TUBD1: variants seen among roughly 807,000 people sequenced by gnomAD.
TUBD1 encodes the protein tubulin delta 1.
Under a neutral mutation model 51.2 loss-of-function variants are expected in TUBD1, and 38 were observed. The ratio of observed to expected loss-of-function variants is 0.74; its 90% CI spans 0.57 to 0.97. The LOEUF (loss-of-function observed/expected upper bound fraction) is 0.97. Ranked by LOEUF, TUBD1 falls within the 50% of genes least tolerant of loss-of-function variation. TUBD1 has a pLI of 0.00. For synonymous variants in TUBD1, 169 were observed against 178.2 expected (o/e 0.95, Z 0.41); for missense variants, 489 against 538.4 (o/e 0.91, Z 0.91).
chr17:59,867,558 G>C (rs2039765341), intron 6 of TUBD1, among the ~76,000 whole-genome samples: 2 of 151,830 alleles, frequency 1.3e-5, no homozygotes, highest in South Asian at 2.1e-4. Flanking sequence ...AATTAGTCTG[G>C]CATCTGTGGC....
At chr17:59,875,073 CTTTTT>C (rs10679203) in intron 5 of TUBD1, among the ~76,000 whole-genome samples, 5 of 87,270 alleles carry the variant, frequency 5.7e-5, no homozygotes, top group South Asian at 4.2e-4. Context: ...TTGTTATATT[CTTTTT>C]TTTTTTTTTT....
intron 8 of TUBD1, among the ~76,000 whole-genome samples, chr17:59,863,009 A>G (rs1055595502): frequency 6.6e-6 from 1 of 152,100 alleles, no homozygotes; most frequent in African/African-American, 2.4e-5. Context: ...TACAGGTGTG[A>G]GCCACCATGC....
rs888815775 is a variant in TUBD1 at position 59,878,135 on chromosome 17, T to C, written c.737A>G (p.Glu246Gly). 1.2e-6 allele frequency: 2 copies of C among 1,614,178 alleles called. No individual in the cohort carries two copies. Among genetic ancestry groups the C allele is most frequent in the South Asian group, 1.1e-5 (1 of 91,086 alleles). The change falls in exon 5 of 9, where the codon GAA becomes GGA. Residue 246 changes from glutamate (E) to glycine (G), a missense_variant. By Grantham distance (98) the Glu-to-Gly change is moderately conservative (BLOSUM62 -2). Transcript: ENST00000325752. Reference sequence around the variant, plus strand: ...ATTTCGTCTGTAGTGAAATGAGCTTTCTGCAGAATAAGTAGGCTGGAACAC... The same window carrying C: ...ATTTCGTCTGTAGTGAAATGAGCTTCCTGCAGAATAAGTAGGCTGGAACAC... ...GSVFQPTYSA[E>G]SSFHYRRNPL...
intron 6 of TUBD1, among the ~76,000 whole-genome samples, chr17:59,867,029 G>C (rs976888672): frequency 6.6e-6 from 1 of 151,956 alleles, no homozygotes; most frequent in Non-Finnish European, 1.5e-5. Context: ...TCCTGACCTC[G>C]AATGATCTGC....
chr17:59,879,003 G>C (rs1039359586), intron 4 of TUBD1, among the ~76,000 whole-genome samples: 2 of 152,024 alleles, frequency 1.3e-5, no homozygotes, highest in African/African-American at 4.8e-5. Context: ...AGCTGGGAGC[G>C]GTAGCTCATG....
rs2039572764 is a variant in TUBD1, at chr17:59,863,759, T to C, written c.1164A>G (p.Lys388=). ...TGACCAACACTGCAGACTTCTCATA[T>C]TTGCTAAAGGCCCGCTGGGTTTTCC... ...NVWKTQRAFS[K]YEKSAVLVSN... Residue 388 remains lysine, a synonymous_variant, in exon 8 of 9, where the codon AAA becomes AAG. Transcript: ENST00000325752. 2 of 1,611,334 alleles carry C rather than the reference T, an allele frequency of 1.2e-6. No individual in the cohort carries two copies. The highest frequency in any genetic ancestry group is 2.2e-5 in the South Asian group (2 of 90,284).
chr17:59,860,365 A>G lies in TUBD1; in HGVS notation c.1319T>C (p.Phe440Ser). The change falls in exon 9 of 9, where the codon TTC (phenylalanine) becomes TCC (serine). Residue 440 changes from phenylalanine (F) to serine (S), a missense_variant. Coordinates refer to ENST00000325752, the MANE Select transcript of TUBD1 (RefSeq NM_016261.4). ...GIEEEDFLDS[F>S]TSLEQVVASY... is the part of the protein sequence containing the mutation. ...GGCAACAACCTGCTCTAATGACGTG[A>G]AACTGTCTAAAAAGTCCTCTTCTTC... The G allele has an allele frequency of 6.2e-7, 1 of 1,613,634 alleles. No homozygotes were observed. The highest frequency in any genetic ancestry group is 2.2e-5 in the East Asian group (1 of 44,870).
In TUBD1 at chr17:59,868,697, C is replaced by T. The variant is rs140845161; in HGVS notation, c.935-1948G>A. Among the ~76,000 whole-genome samples the T allele has an allele frequency of 2.7e-3, 413 of 151,980 alleles. 1 individual carries two copies. The highest frequency in any genetic ancestry group is 8.9e-3 in the African/African-American group (369 of 41,460). On this transcript the variant is annotated intron_variant, in intron 6 of 8. Coordinates refer to ENST00000325752, the MANE Select transcript of TUBD1 (RefSeq NM_016261.4). The stretch of plus-strand genomic sequence containing the variant: ...ACTAAAAATACAAAAATTAGCTGGG[C>T]GTGGTGGCACACGCCTGTAGTCCCA...
chr17:59,867,731 G>A (rs2144452049), intron 6 of TUBD1, among the ~76,000 whole-genome samples: 1 of 152,056 alleles, frequency 6.6e-6, no homozygotes, highest in South Asian at 2.1e-4. Context: ...TAAGATTTTG[G>A]ACCGATGTGC....
Position 59,862,985 on chromosome 17 carries a change from CA to C in TUBD1, c.1259+678del, listed in dbSNP as rs1238680422. On this transcript the variant is annotated intron_variant, in intron 8 of 8. Coordinates refer to ENST00000325752, the MANE Select transcript of TUBD1 (RefSeq NM_016261.4). Reference sequence around the variant, plus strand: ...AGCTGATCTGCTCGCCTCAGCCTCCCAAAGTGCTGGGATTACAGGTGTGAGC... The same window carrying C: ...AGCTGATCTGCTCGCCTCAGCCTCCCAAGTGCTGGGATTACAGGTGTGAGC... Among the ~76,000 whole-genome samples, 16 of 152,172 alleles carry C rather than the reference CA, an allele frequency of 1.1e-4. No homozygotes were observed. The East Asian group carries it at 3.1e-3, about 29-fold the overall frequency.
intron 3 of TUBD1, among the ~76,000 whole-genome samples, chr17:59,883,519 C>T (rs1253454270): frequency 3.3e-5 from 5 of 152,124 alleles, no homozygotes; most frequent in African/African-American, 9.7e-5. Context: ...CTGCCCACCT[C>T]GGCCTCTCGC....
rs186001883 is a variant in TUBD1 at position 59,866,711 on chromosome 17, G to T, written c.973C>A (p.Pro325Thr). 4 of 1,613,836 alleles carry T rather than the reference G, an allele frequency of 2.5e-6. No homozygotes were observed. The highest frequency in any genetic ancestry group is 3.4e-6 in the Non-Finnish European group (4 of 1,179,966). Reference protein sequence around the residue: ...RHVWPPLSGLPPLSKMSLNKD... With the variant: ...RHVWPPLSGLTPLSKMSLNKD... ...TTGAGAGACATTTTACTAAGAGGAG[G>T]AAGTCCTGATAAAGGAGGCCATACA... is the stretch of plus-strand genomic sequence containing the variant. Residue 325 changes from proline (P) to threonine (T), a missense_variant, in exon 7 of 9, where the codon CCT (proline) becomes ACT (threonine). Transcript: ENST00000325752.
chr17:59,866,231 CTT>C (rs544961480), intron 7 of TUBD1, among the ~76,000 whole-genome samples: 39 of 132,078 alleles, frequency 3.0e-4, no homozygotes, highest in Non-Finnish European at 2.6e-4. Flanking sequence ...GAAAACAATT[CTT>C]TTTTTTTTTT....
At chr17:59,889,160 T>C (rs2040869847) in intron 2 of TUBD1, among the ~76,000 whole-genome samples, 1 of 150,714 alleles carries the variant, frequency 6.6e-6, no homozygotes, top group Admixed American at 6.6e-5. Context: ...ATTACAGGTA[T>C]GTGCCACCAT....
chr17:59,860,328 A>T lies in TUBD1; in HGVS notation c.1356T>A (p.Asn452Lys), dbSNP rs1457624029. The T allele has an allele frequency of 6.2e-7, 1 of 1,603,906 alleles. No individual in the cohort carries two copies. The highest frequency in any genetic ancestry group is 1.3e-5 in the African/African-American group (1 of 74,528). ...SLEQVVASYC[N>K]L is the part of the protein sequence containing the mutation. The stretch of plus-strand genomic sequence containing the variant: ...CTTTTCCCATTGTTCAAGATCAGAG[A>T]TTACAGTAACTGGCAACAACCTGCT... Residue 452 changes from asparagine (N) to lysine (K), a missense_variant, in exon 9 of 9, where the codon AAT (asparagine) becomes AAA (lysine). Asn to Lys is a moderately conservative substitution (Grantham distance 94). Transcript: ENST00000325752.
At position 59,886,235 on chromosome 17, in the gene TUBD1, A is replaced by G. The variant is rs374846808; in HGVS notation, c.173-5T>C. The G allele has an allele frequency of 2.3e-5, 36 of 1,599,930 alleles. No individual in the cohort carries two copies. Among genetic ancestry groups the G allele is most frequent in the Non-Finnish European group, 3.0e-5 (35 of 1,176,006 alleles). ...GAACAGCCCGGGCAATTGGAACTAG[A>G]GGGGGAAAAAAACCCAAAAACATCG... On this transcript the variant is annotated splice_region_variant and splice_polypyrimidine_tract_variant and intron_variant, in intron 2 of 8. Transcript: ENST00000325752.
intron 2 of TUBD1, chr17:59,886,748 C>A (rs1452226498): frequency 1.3e-5 from 2 of 151,540 alleles, no homozygotes; most frequent in Non-Finnish European, 2.9e-5. Context: ...ATCAAACTAG[C>A]CTTAGAAAGG....
chr17:59,861,525 A>G (rs1201181061), intron 8 of TUBD1, among the ~76,000 whole-genome samples: 2 of 152,060 alleles, frequency 1.3e-5, no homozygotes, highest in Non-Finnish European at 2.9e-5. Flanking sequence ...CTGAGGCACA[A>G]AAATCATGTG....
chr17:59,889,696 AAAAG>A (rs895090612), intron 2 of TUBD1, among the ~76,000 whole-genome samples: 5 of 150,732 alleles, frequency 3.3e-5, no homozygotes, highest in Admixed American at 6.6e-5. Flanking sequence ...AAGAAAAAGA[AAAAG>A]AAAGAGAGCC....
Sources: allele counts gnomAD v4.1 joint callset (sites outside exome capture counted in the v4.1 genomes callset), GRCh38; gene constraint gnomAD v4.1.1; transcripts MANE v1.5; gene names NCBI Gene and HGNC (gene_info 2026-07-23, HGNC 2026-07-21).